The following DOCK7 variants were observed in gnomAD, a reference collection of about 807,000 sequenced individuals.
DOCK7 encodes dedicator of cytokinesis 7.
In DOCK7, 138 loss-of-function variants were observed where a neutral mutation model predicts 271.0. The ratio of observed to expected loss-of-function variants is 0.51; its 90% CI spans 0.44 to 0.59. DOCK7 has a LOEUF of 0.59. Among genes scored for constraint, DOCK7 ranks in the 20% least tolerant of loss-of-function variants. The pLI, the probability that DOCK7 is intolerant of heterozygous loss-of-function variation, is 0.00. For synonymous variants in DOCK7, 823 were observed against 876.1 expected, an observed-to-expected ratio of 0.94 and a Z score of 1.07; for missense variants, 2,066 against 2,592.4, an observed-to-expected ratio of 0.80 and a Z score of 4.41.
In DOCK7 at chr1:62,454,785, T is replaced by TTA. The variant is rs755427028; in HGVS notation, c.*628_*629insTA. ...GTCACTGGTATTAGTTATCCCCGTATTTAAATTATTTTACACAAAGGTTTT... is the reference window on the plus strand; with the variant it reads ...GTCACTGGTATTAGTTATCCCCGTATTATTAAATTATTTTACACAAAGGTTTT... On this transcript the variant is annotated 3_prime_UTR_variant, in exon 50 of 50. Coordinates refer to ENST00000635253, the MANE Select transcript of DOCK7 (RefSeq NM_001367561.1). 6 of 161,690 alleles carry TTA rather than the reference T, an allele frequency of 3.7e-5. No homozygotes were observed. Among genetic ancestry groups the TTA allele is most frequent in the Non-Finnish European group, 5.4e-5 (4 of 74,406 alleles). 10.0% of individuals were successfully genotyped at this position (161,690 alleles called of 1,614,324 possible).
chr1:62,630,396 C>T (rs912040551), intron 11 of DOCK7, among the ~76,000 whole-genome samples: 1 of 152,122 alleles, frequency 6.6e-6, no homozygotes, highest in African/African-American at 2.4e-5. Flanking sequence ...TTCTCTGGCT[C>T]CCCATCTCTT....
intron 18 of DOCK7, among the ~76,000 whole-genome samples, chr1:62,572,773 A>G (rs1300054879): frequency 6.6e-6 from 1 of 152,178 alleles, no homozygotes; most frequent in Non-Finnish European, 1.5e-5. Flanking sequence ...ATTGAGGGTT[A>G]GGCTTCAACA....
chr1:62,672,097 T>C (rs576663234), intron 1 of DOCK7, among the ~76,000 whole-genome samples: 1 of 152,098 alleles, frequency 6.6e-6, no homozygotes, highest in African/African-American at 2.4e-5. Flanking sequence ...CTCTCTGCCA[T>C]CTCCAATCCC....
chr1:62,477,601 G>C (rs1557599278), intron 44 of DOCK7, 99 bp downstream of exon 44: 1 of 1,326,798 alleles, frequency 7.5e-7, no homozygotes, highest in Non-Finnish European at 1.0e-6. Context: ...TACTTGGCAA[G>C]ATCTGGCTTA....
intron 29 of DOCK7, among the ~76,000 whole-genome samples, chr1:62,533,924 C>G (rs4915840): frequency 0.58 from 88,587 of 151,800 alleles, 27,516 homozygotes; most frequent in East Asian, 0.76. Flanking sequence ...AATTTTAAGC[C>G]ATTATCACCC....
intron 18 of DOCK7, among the ~76,000 whole-genome samples, chr1:62,564,119 G>A (rs1380778953): frequency 6.6e-6 from 1 of 151,998 alleles, no homozygotes; most frequent in Non-Finnish European, 1.5e-5. Flanking sequence ...CACAATAACG[G>A]TGGGAGACTT....
chr1:62,460,373 CT>C, intron 48 of DOCK7, among the ~76,000 whole-genome samples: 1 of 151,976 alleles, frequency 6.6e-6, no homozygotes, highest in Non-Finnish European at 1.5e-5. Context: ...CATGTACAGA[CT>C]TTTTTCTTGT....
chr1:62,641,121 A>G, intron 7 of DOCK7: 1 of 287,562 alleles, frequency 3.5e-6, no homozygotes, highest in Non-Finnish European at 6.8e-6. Context: ...TTGGACTCAG[A>G]CCAGGAGTCC....
At position 62,513,444 on chromosome 1, in the gene DOCK7, C is replaced by T. The variant is rs1644559972; in HGVS notation, c.4282G>A (p.Glu1428Lys). The T allele has an allele frequency of 3.2e-6, 5 of 1,585,694 alleles. No individual in the cohort carries two copies. Among genetic ancestry groups the T allele is most frequent in the Non-Finnish European group, 4.3e-6 (5 of 1,171,660 alleles). ...LGTYTIASPP[E>K]RSPSGSAFGS... The stretch of plus-strand genomic sequence containing the variant: ...TCAAGGAAATTGAAGAAATTCTCAC[C>T]AGGAGGAGAAGCTATTGTGTACGTA... The change falls in exon 33 of 50, where the codon GAG becomes AAG. Residue 1428 changes from glutamate (E) to lysine (K), a missense_variant and splice_region_variant. This residue lies in a region of DOCK7 where 652 missense variants were observed against 922.1 expected (regional missense o/e 0.71). Coordinates refer to ENST00000635253, the MANE Select transcript of DOCK7 (RefSeq NM_001367561.1).
At chr1:62,651,505 T>TA (rs1657371949) in intron 4 of DOCK7, among the ~76,000 whole-genome samples, 1 of 85,364 alleles carries the variant, frequency 1.2e-5, no homozygotes, top group African/African-American at 3.1e-5. Context: ...CAGACCTCTG[T>TA]AAGGGGGGAG....
At chr1:62,645,051 A>G (rs777564267) in intron 7 of DOCK7, among the ~76,000 whole-genome samples, 21 of 152,188 alleles carry the variant, frequency 1.4e-4, no homozygotes, top group South Asian at 6.2e-4. Context: ...AGATAATAAC[A>G]AATATTGGTG....
intron 31 of DOCK7, among the ~76,000 whole-genome samples, chr1:62,519,668 C>T (rs966204914): frequency 2.6e-5 from 4 of 151,706 alleles, no homozygotes; most frequent in East Asian, 1.9e-4. Context: ...ATCCTAGAGG[C>T]GATGAGAAGG....
At chr1:62,588,766 G>C (rs1443472611) in intron 14 of DOCK7, among the ~76,000 whole-genome samples, 1 of 151,944 alleles carries the variant, frequency 6.6e-6, no homozygotes. Context: ...TAAGAGACAA[G>C]GTCTCACTCT....
At position 62,553,032 on chromosome 1, in the gene DOCK7, C is replaced by CTTTTTT. The variant is rs66892340; in HGVS notation, c.2597-137_2597-132dup. 80 of 168,328 alleles carry CTTTTTT rather than the reference C, an allele frequency of 4.8e-4. 2 individuals are homozygous for CTTTTTT. Among genetic ancestry groups the CTTTTTT allele is most frequent in the Non-Finnish European group, 5.8e-4 (65 of 111,206 alleles). 10.4% of individuals were successfully genotyped at this position (168,328 alleles called of 1,614,324 possible). ...CTTTGGTTTCTAAATAAAAAATATA[C>CTTTTTT]TTTTTTTTTTTTTTTTTTTTTGAGA... On this transcript the variant is annotated intron_variant, in intron 21 of 49. Transcript: ENST00000635253.
chr1:62,615,734 G>A (rs913627029), intron 14 of DOCK7, among the ~76,000 whole-genome samples: 1 of 151,526 alleles, frequency 6.6e-6, no homozygotes, highest in Admixed American at 6.6e-5. Flanking sequence ...TTTTTTAAAA[G>A]CTTCTTGCCT....
chr1:62,582,706 C>T (rs927489743), intron 16 of DOCK7, among the ~76,000 whole-genome samples: 1 of 150,772 alleles, frequency 6.6e-6, no homozygotes, highest in African/African-American at 2.4e-5. Flanking sequence ...TTTTCCCCAA[C>T]AGTATTCAAT....
At chr1:62,527,481 T>C (rs916104998) in intron 31 of DOCK7, among the ~76,000 whole-genome samples, 1 of 152,072 alleles carries the variant, frequency 6.6e-6, no homozygotes, top group African/African-American at 2.4e-5. Context: ...CCAACAATGA[T>C]AGACTGGATT....
chr1:62,585,161 T>C (rs1647348274), intron 15 of DOCK7, among the ~76,000 whole-genome samples: 1 of 152,148 alleles, frequency 6.6e-6, no homozygotes, highest in Admixed American at 6.6e-5. Flanking sequence ...TTATTCAGTA[T>C]GTATTATATG....
rs753221152 is a variant in DOCK7, at chr1:62,625,328, A to G, written c.1356T>C (p.Ser452=). ...TCGTCAAGTTACAAGCATCATCTCC[A>G]CTTGTTGTCCTTTCAAGTGATCGTC... ...VGRRSLERTT[S]GDDACNLTSF... is the part of the protein sequence containing the mutation. The change falls in exon 12 of 50, where the codon AGT becomes AGC. Residue 452 remains serine (S), a synonymous_variant. Transcript: ENST00000635253. 5.6e-6 allele frequency: 9 copies of G among 1,613,646 alleles called. No homozygotes were observed.
Sources: allele counts gnomAD v4.1 joint callset (sites outside exome capture counted in the v4.1 genomes callset), GRCh38; gene constraint gnomAD v4.1.1; regional missense constraint gnomAD v4.1.1; transcripts MANE v1.5; gene names NCBI Gene and HGNC (gene_info 2026-07-23, HGNC 2026-07-21).